TAF13: variants seen among roughly 807,000 people sequenced by gnomAD.
TAF13 encodes the protein transcription initiation factor TFIID subunit 13.
A neutral mutation model predicts 18.7 loss-of-function variants in TAF13; 9 were observed. The observed-to-expected ratio is 0.48, with a 90% CI of 0.29 to 0.84. The LOEUF (loss-of-function observed/expected upper bound fraction) is 0.84, where lower values mean the gene tolerates loss of function less well. Ranked by LOEUF, TAF13 falls within the 40% of genes least tolerant of loss-of-function variation. The pLI, the probability that TAF13 is intolerant of heterozygous loss-of-function variation, is 0.08. For missense variants in TAF13, 105 were observed against 146.5 expected (o/e 0.72, Z 1.46); for synonymous variants, 49 against 44.1 (o/e 1.11, Z -0.44).
At chr1:109,075,686 G>A (rs34069017) in intron 1 of TAF13, among the ~76,000 whole-genome samples, 72,202 of 152,032 alleles carry the variant, frequency 0.47, 18,091 homozygotes, top group South Asian at 0.56. Flanking sequence ...GATTCTGTAC[G>A]TGTTTCAGTG....
chr1:109,075,893 C>T (rs780626734), intron 1 of TAF13, 28 bp downstream of exon 1: 4 of 1,614,168 alleles, frequency 2.5e-6, no homozygotes, highest in Non-Finnish European at 3.4e-6. Context: ...GAAGAAAAGA[C>T]AGGTTTTGGA....
At chr1:109,067,437 A>T (rs1489583591) in intron 2 of TAF13, among the ~76,000 whole-genome samples, 1 of 95,344 alleles carries the variant, frequency 1.0e-5, no homozygotes, top group Non-Finnish European at 2.1e-5. Context: ...TGTTTCTACT[A>T]AAAAAAAAAA....
At chr1:109,070,572 T>C (rs954107357) in intron 2 of TAF13, among the ~76,000 whole-genome samples, 1 of 151,962 alleles carries the variant, frequency 6.6e-6, no homozygotes, top group South Asian at 2.1e-4. Context: ...TTTTGTATTT[T>C]TATTAGAGAC....
chr1:109,074,001 G>A (rs1664132461), intron 2 of TAF13, among the ~76,000 whole-genome samples: 1 of 152,134 alleles, frequency 6.6e-6, no homozygotes, highest in South Asian at 2.1e-4. Context: ...GGGAACTGAG[G>A]AGCGCCTCCG....
At chr1:109,066,360 T>G (rs1663951056) in intron 2 of TAF13, 128 bp from the exon 3 acceptor site, 2 of 707,218 alleles carry the variant, frequency 2.8e-6, no homozygotes, top group Non-Finnish European at 2.3e-6. Flanking sequence ...TACATCGTAT[T>G]TGTTATCTCC....
chr1:109,065,986 A>G (rs979551153), intron 3 of TAF13, 149 bp downstream of exon 3: 10 of 625,956 alleles, frequency 1.6e-5, no homozygotes, highest in African/African-American at 1.5e-4. Flanking sequence ...TCCATCCTCA[A>G]TGATAAATAG....
chr1:109,069,854 T>TA (rs1341499540), intron 2 of TAF13, among the ~76,000 whole-genome samples: 3 of 151,772 alleles, frequency 2.0e-5, no homozygotes, highest in Non-Finnish European at 2.9e-5. Flanking sequence ...GAAACAGGAG[T>TA]AAAAAAACAA....
chr1:109,075,116 G>C (rs748206175), intron 1 of TAF13, 51 bp from the exon 2 acceptor site: 1 of 1,431,584 alleles, frequency 7.0e-7, no homozygotes, highest in Non-Finnish European at 9.5e-7. Context: ...CCTTGCATTT[G>C]ATATTTTAAT....
In TAF13 at chr1:109,064,522, G is replaced by A. The variant is rs1051388965; in HGVS notation, c.*1C>T. ...GTAATTTTCGGAAACTACAAAAAGT[G>A]TCAAGATCCATAATTTGCTTCATCA... On this transcript the variant is annotated 3_prime_UTR_variant, in exon 4 of 4. Transcript: ENST00000338366. The A allele has an allele frequency of 2.0e-6, 3 of 1,482,462 alleles. No homozygotes were observed. The highest frequency in any genetic ancestry group is 2.7e-6 in the Non-Finnish European group (3 of 1,114,062). 91.8% of individuals were successfully genotyped at this position (1,482,462 alleles called of 1,614,324 possible). A position where few individuals can be genotyped will look rare whatever the true frequency, so the allele number is the denominator to read the frequency against.
intron 2 of TAF13, 43 bp from the exon 3 acceptor site, chr1:109,066,275 T>G: frequency 6.7e-7 from 1 of 1,490,060 alleles, no homozygotes; most frequent in Non-Finnish European, 9.1e-7. Context: ...TTTTACAGAT[T>G]TAACAATTTG....
chr1:109,072,001 T>C (rs1244527342), intron 2 of TAF13, among the ~76,000 whole-genome samples: 35 of 2,364 alleles, frequency 0.015, no homozygotes, highest in Non-Finnish European at 0.035. Context: ...TATATATATA[T>C]ATATATATAT....
At chr1:109,075,601 G>A (rs1664165527) in intron 1 of TAF13, among the ~76,000 whole-genome samples, 1 of 152,164 alleles carries the variant, frequency 6.6e-6, no homozygotes, top group South Asian at 2.1e-4. Flanking sequence ...TTACTTCACA[G>A]TAAGTACAGT....
intron 2 of TAF13, among the ~76,000 whole-genome samples, chr1:109,071,179 G>A (rs755138076): frequency 8.6e-5 from 13 of 151,968 alleles, no homozygotes; most frequent in South Asian, 2.1e-4. Flanking sequence ...GGTGGCTCAC[G>A]CCTGTAATTC....
At chr1:109,074,271 C>T (rs1409805676) in intron 2 of TAF13, among the ~76,000 whole-genome samples, 1 of 152,166 alleles carries the variant, frequency 6.6e-6, no homozygotes, top group Non-Finnish European at 1.5e-5. Context: ...AATCTATAAC[C>T]TTACCCCCAA....
chr1:109,070,681 A>AC (rs1664033086), intron 2 of TAF13, among the ~76,000 whole-genome samples: 1 of 152,016 alleles, frequency 6.6e-6, no homozygotes, highest in Non-Finnish European at 1.5e-5. Flanking sequence ...GGCATGAGCC[A>AC]CCGTACCCAG....
chr1:109,075,054 T>G lies in TAF13; in HGVS notation c.39A>C (p.Glu13Asp). Residue 13 changes from glutamate to aspartate, a missense_variant, in exon 2 of 4, where the codon GAA becomes GAC. Coordinates refer to ENST00000338366, the MANE Select transcript of TAF13 (RefSeq NM_005645.4). Reference protein sequence around the residue: ...DEEEDPTFEEENEEIGGGAEG... With the variant: ...DEEEDPTFEEDNEEIGGGAEG... Reference sequence around the variant, plus strand: ...CTGCACCTCCTCCAATTTCTTCATTTTCTTCCTCAAACTAGAAGTTAAAAT... The same window carrying G: ...CTGCACCTCCTCCAATTTCTTCATTGTCTTCCTCAAACTAGAAGTTAAAAT... 6.2e-7 allele frequency: 1 copy of G among 1,607,288 alleles called. No homozygotes were observed.
intron 3 of TAF13, 63 bp from the exon 4 acceptor site, chr1:109,064,756 G>A (rs1166091896): frequency 7.7e-6 from 10 of 1,306,668 alleles, no homozygotes; most frequent in African/African-American, 1.5e-5. Flanking sequence ...GTTTTAATTT[G>A]CATTTATTAA....
intron 2 of TAF13, among the ~76,000 whole-genome samples, chr1:109,069,615 C>T (rs1324917502): frequency 1.3e-5 from 2 of 151,012 alleles, no homozygotes; most frequent in Non-Finnish European, 2.9e-5. Flanking sequence ...AAGACTTGCA[C>T]AATTTATTGT....
At chr1:109,069,471 T>C (rs1287791462) in intron 2 of TAF13, among the ~76,000 whole-genome samples, 1 of 152,144 alleles carries the variant, frequency 6.6e-6, no homozygotes, top group African/African-American at 2.4e-5. Flanking sequence ...AAAAAGTCTA[T>C]ACATATTCAA....
Sources: gnomAD v4.1 joint callset for allele counts (sites outside exome capture counted in the v4.1 genomes callset) on GRCh38, gnomAD v4.1.1 for gene constraint, MANE v1.5 for transcripts, NCBI Gene and HGNC (gene_info 2026-07-23, HGNC 2026-07-21) for gene names.